Variants in CNKSR1 observed in about 807,000 individuals in gnomAD.
CNKSR1 encodes connector enhancer of kinase suppressor of Ras 1, also known as CNK homolog protein 1.
In CNKSR1, 88 loss-of-function variants were observed where a neutral mutation model predicts 95.6. That is an observed-to-expected ratio of 0.92 (90% confidence interval 0.78 to 1.10). The LOEUF is 1.10. Ranked by LOEUF, CNKSR1 falls within the 50% of genes least tolerant of loss-of-function variation. The pLI, the probability that CNKSR1 is intolerant of heterozygous loss-of-function variation, is 0.00. For missense variants in CNKSR1, 836 were observed against 912.0 expected, an observed-to-expected ratio of 0.92 and a Z score of 1.07; for synonymous variants, 355 against 369.7, an observed-to-expected ratio of 0.96 and a Z score of 0.46.
Position 26,187,502 on chromosome 1 carries a change from G to A in CNKSR1, c.1454+20G>A. The A allele has an allele frequency of 6.2e-7, 1 of 1,612,718 alleles. No individual in the cohort carries two copies. The highest frequency in any genetic ancestry group is 8.5e-7 in the Non-Finnish European group (1 of 1,178,880). The stretch of plus-strand genomic sequence containing the variant: ...GAGCATGTGAGTGCCGCCTCCCTTA[G>A]CCCCTACTCTCATATGATTCCCAAA... On this transcript the variant is annotated intron_variant, in intron 16 of 20. Coordinates refer to ENST00000361530, the MANE Select transcript of CNKSR1 (RefSeq NM_006314.3).
rs1325038196 is a variant in CNKSR1, at chr1:26,184,256, C to T, written c.969C>T (p.Asn323=). Residue 323 remains asparagine (N), a synonymous_variant, in exon 11 of 21, where the codon AAC becomes AAT. Transcript: ENST00000361530. The part of the protein sequence containing the change: ...EDVFAFDLSS[N]PSPGPSPAWT... ...TCTTTGCCTTTGACCTGTCTTCAAA[C>T]CCCAGTCCCGGACCCAGCCCTGCCT... 2.5e-6 allele frequency: 4 copies of T among 1,613,772 alleles called. No homozygotes were observed. The highest frequency in any genetic ancestry group is 3.4e-6 in the Non-Finnish European group (4 of 1,179,956).
intron 14 of CNKSR1, among the ~76,000 whole-genome samples, chr1:26,185,887 C>T (rs1487581977): frequency 1.3e-5 from 2 of 152,162 alleles, no homozygotes; most frequent in East Asian, 1.9e-4. Flanking sequence ...TCTGTCCATC[C>T]GAATGATGGG....
At position 26,189,611 on chromosome 1, in the gene CNKSR1, C is replaced by T. The variant is rs745386289; in HGVS notation, c.*63C>T. The T allele has an allele frequency of 5.9e-6, 5 of 852,708 alleles. No individual in the cohort carries two copies. Among genetic ancestry groups the T allele is most frequent in the African/African-American group, 3.3e-5 (2 of 60,390 alleles). 52.8% of individuals were successfully genotyped at this position (852,708 alleles called of 1,614,324 possible). A position where few individuals can be genotyped will look rare whatever the true frequency, so the allele number is the denominator to read the frequency against. Reference sequence around the variant, plus strand: ...GGGCCACCTCAACCCCAGCTTCTGACGTGTCCAGGACAGAGCATCCCTGGA... The same window carrying T: ...GGGCCACCTCAACCCCAGCTTCTGATGTGTCCAGGACAGAGCATCCCTGGA... On this transcript the variant is annotated 3_prime_UTR_variant, in exon 21 of 21. Transcript: ENST00000361530.
chr1:26,183,576 G>C, intron 8 of CNKSR1, 153 bp from the exon 9 acceptor site: 3 of 1,016,262 alleles, frequency 3.0e-6, no homozygotes, highest in African/African-American at 1.6e-5. Context: ...GCAGAGCCCA[G>C]GTGATGGGGC....
At chr1:26,182,120 G>C (rs2088656822) in intron 4 of CNKSR1, 179 bp downstream of exon 4, 1 of 744,284 alleles carries the variant, frequency 1.3e-6, no homozygotes, top group South Asian at 1.6e-5. Flanking sequence ...CTAGCTGGCA[G>C]GGGAATTTTG....
At chr1:26,183,879 C>T (rs1308547801) in intron 9 of CNKSR1, 49 bp downstream of exon 9, 4 of 494,678 alleles carry the variant, frequency 8.1e-6, no homozygotes, top group South Asian at 4.8e-5. Context: ...CCCCCCTCCA[C>T]AGGTACCTGC....
rs1226609180 is a variant in CNKSR1 at position 26,183,246 on chromosome 1, T to G, written c.674T>G (p.Val225Gly). The stretch of plus-strand genomic sequence containing the variant: ...AATTGCCAGCACTTTGTGTCCCAAG[T>G]GGACACCCAGGTGAGAGCCCCACAC... ...TSNCQHFVSQ[V>G]DTQVPTDSRL... Residue 225 changes from valine to glycine, a missense_variant, in exon 7 of 21, where the codon GTG becomes GGG. Val to Gly is a moderately radical substitution (Grantham distance 109). Coordinates refer to ENST00000361530, the MANE Select transcript of CNKSR1 (RefSeq NM_006314.3). 6.2e-7 allele frequency: 1 copy of G among 1,614,112 alleles called. No homozygotes were observed. The highest frequency in any genetic ancestry group is 8.5e-7 in the Non-Finnish European group (1 of 1,180,006).
In CNKSR1 at chr1:26,187,253, G is replaced by C; in HGVS notation, c.1382+12G>C. On this transcript the variant is annotated intron_variant, in intron 15 of 20. Transcript: ENST00000361530. Reference sequence around the variant, plus strand: ...CAGAAGAAGAAATAGTTAAGTCTTGGGGTGTGATGGGCTGGGGGATGGAGA... The same window carrying C: ...CAGAAGAAGAAATAGTTAAGTCTTGCGGTGTGATGGGCTGGGGGATGGAGA... 1 of 1,609,756 alleles carries C rather than the reference G, an allele frequency of 6.2e-7. No individual in the cohort carries two copies. The highest frequency in any genetic ancestry group is 1.1e-5 in the South Asian group (1 of 90,974).
chr1:26,187,338 G>A (rs924523426), intron 15 of CNKSR1, 73 bp from the exon 16 acceptor site: 39 of 1,594,458 alleles, frequency 2.4e-5, no homozygotes, highest in African/African-American at 8.1e-5. Flanking sequence ...TGGCTGGGGC[G>A]CCCAGAATCC....
chr1:26,181,074 G>A, intron 3 of CNKSR1, 178 bp downstream of exon 3: 1 of 716,758 alleles, frequency 1.4e-6, no homozygotes, highest in Non-Finnish European at 2.4e-6. Flanking sequence ...GAGGTCAGGA[G>A]TTGGAGACCA....
chr1:26,180,049 TG>T (rs2088619414), intron 1 of CNKSR1: 1 of 257,444 alleles, frequency 3.9e-6, no homozygotes, highest in Non-Finnish European at 7.6e-6. Context: ...GGTGGGAGGA[TG>T]GATTGAGCCT....
At chr1:26,185,978 A>G (rs771194384) in intron 14 of CNKSR1, among the ~76,000 whole-genome samples, 7 of 152,168 alleles carry the variant, frequency 4.6e-5, no homozygotes, top group Non-Finnish European at 1.0e-4. Flanking sequence ...ATGGACACAG[A>G]GAAGAATTGG....
chr1:26,181,105 C>G lies in CNKSR1; in HGVS notation c.392+209C>G, dbSNP rs1345250829. ...GACCAGCCTGGCCAACATGGTGAAA[C>G]CCCATCTTTACCAAAAATATACAAA... On this transcript the variant is annotated intron_variant, in intron 3 of 20. Transcript: ENST00000361530. 11 of 579,302 alleles carry G rather than the reference C, an allele frequency of 1.9e-5. No homozygotes were observed. The East Asian group carries it at 3.3e-4, about 17-fold the overall frequency. The allele number at this position is 579,302 out of a possible 1,614,324, so 35.9% of individuals were successfully genotyped here.
Position 26,180,876 on chromosome 1 carries a change from C to T in CNKSR1, c.372C>T (p.Ala124=), listed in dbSNP as rs1192090270. The stretch of plus-strand genomic sequence containing the variant: ...TGGAGCTGTTGCATGAAGCTGACGC[C>T]CTCCTCTTCTGGCTCAGCAGGTACC... ...AAVELLHEAD[A]LLFWLSRYLF... is the part of the protein sequence containing the mutation. Residue 124 remains alanine (A), a synonymous_variant, in exon 3 of 21, where the codon GCC becomes GCT. Coordinates refer to ENST00000361530, the MANE Select transcript of CNKSR1 (RefSeq NM_006314.3). 1 of 1,614,224 alleles carries T rather than the reference C, an allele frequency of 6.2e-7. No individual in the cohort carries two copies. Among genetic ancestry groups the T allele is most frequent in the Non-Finnish European group, 8.5e-7 (1 of 1,180,048 alleles).
Position 26,180,714 on chromosome 1 carries a change from G to C in CNKSR1, c.211-1G>C. 6.2e-7 allele frequency: 1 copy of C among 1,614,124 alleles called. No homozygotes were observed. Among genetic ancestry groups the C allele is most frequent in the Non-Finnish European group, 8.5e-7 (1 of 1,179,978 alleles). ...GGTGACTTGCCCTCTTTCTGGCACAGAGCTCCAGGCTACAGACAGAGAACC... is the reference window on the plus strand; with the variant it reads ...GGTGACTTGCCCTCTTTCTGGCACACAGCTCCAGGCTACAGACAGAGAACC... On this transcript the variant is annotated splice_acceptor_variant, in intron 2 of 20. Transcript: ENST00000361530. LOFTEE classifies it high-confidence loss of function.
chr1:26,184,756 C>A, intron 13 of CNKSR1, 144 bp downstream of exon 13: 3 of 1,096,106 alleles, frequency 2.7e-6, no homozygotes, highest in Non-Finnish European at 4.1e-6. Context: ...CAGAGCTGTG[C>A]TCCCAGTCTG....
At chr1:26,178,749 C>T (rs1467353217) in intron 1 of CNKSR1, among the ~76,000 whole-genome samples, 1 of 152,186 alleles carries the variant, frequency 6.6e-6, no homozygotes, top group African/African-American at 2.4e-5. Context: ...CTTATGAAGT[C>T]GACAAAGTGA....
rs772423158 is a variant in CNKSR1, at chr1:26,185,109, G to A, written c.1231G>A (p.Gly411Ser). 2.9e-5 allele frequency: 46 copies of A among 1,600,306 alleles called. No individual in the cohort carries two copies. In the African/African-American group the frequency reaches 2.9e-4, roughly 10 times the overall value. Residue 411 changes from glycine (G) to serine (S), a missense_variant, in exon 14 of 21, where the codon GGC becomes AGC. Transcript: ENST00000361530. ...GWLLLRKAPG[G>S]FMGPRWRRRW... ...GCTCCTGTTGCGAAAGGCACCGGGC[G>A]GCTTCATGGGCCCGCGCTGGCGCCG...
intron 13 of CNKSR1, 86 bp from the exon 14 acceptor site, chr1:26,184,928 G>A: frequency 7.4e-7 from 1 of 1,342,968 alleles, no homozygotes; most frequent in African/African-American, 1.4e-5. Flanking sequence ...GATCTCACTT[G>A]GGGATGCTTG....
Sources: gnomAD v4.1 joint callset for allele counts (sites outside exome capture counted in the v4.1 genomes callset) on GRCh38, gnomAD v4.1.1 for gene constraint, MANE v1.5 for transcripts, NCBI Gene and HGNC (gene_info 2026-07-23, HGNC 2026-07-21) for gene names.